Variants in LHFPL4 observed in about 807,000 individuals in gnomAD.
LHFPL4 encodes the protein LHFPL tetraspan subfamily member 4 protein.
In LHFPL4, 6 loss-of-function variants were observed where a neutral mutation model predicts 20.0. The ratio of observed to expected loss-of-function variants is 0.30; its 90% confidence interval spans 0.16 to 0.59. LHFPL4 has a LOEUF of 0.59. Ranked by LOEUF, LHFPL4 falls within the 20% of genes least tolerant of loss-of-function variation. The probability of loss-of-function intolerance (pLI) is 0.88; values close to 1 mark genes in which losing one functional copy is unlikely to be tolerated. For missense variants in LHFPL4, 215 were observed against 331.2 expected, an observed-to-expected ratio of 0.65 and a Z score of 2.72; for synonymous variants, 129 against 143.8, an observed-to-expected ratio of 0.90 and a Z score of 0.74.
At chr3:9,520,336 G>A (rs945716438) in intron 2 of LHFPL4, among the ~76,000 whole-genome samples, 1 of 151,880 alleles carries the variant, frequency 6.6e-6, no homozygotes, top group African/African-American at 2.4e-5. Context: ...TTTATCTTGA[G>A]GTTTTTTGTT....
rs890840109 is a variant in LHFPL4 at position 9,500,755 on chromosome 3, T to C, written c.*1456A>G. 2 of 152,218 alleles carry C rather than the reference T, an allele frequency of 1.3e-5. No individual in the cohort carries two copies. Among genetic ancestry groups the C allele is most frequent in the Admixed American group, 6.5e-5 (1 of 15,292 alleles). 9.4% of individuals were successfully genotyped at this position (152,218 alleles called of 1,614,324 possible). A position where few individuals can be genotyped will look rare whatever the true frequency, so the allele number is the denominator to read the frequency against. On this transcript the variant is annotated 3_prime_UTR_variant, in exon 4 of 4. Coordinates refer to ENST00000287585, the MANE Select transcript of LHFPL4 (RefSeq NM_198560.3). ...GCCGGTCTGCACCAGCAACTAGTGC[T>C]GAGGGAGCTGTCCAGGCCCCAGGGC...
chr3:9,538,544 C>T (rs559720830), intron 2 of LHFPL4, among the ~76,000 whole-genome samples: 44 of 152,224 alleles, frequency 2.9e-4, no homozygotes, highest in African/African-American at 7.5e-4. Flanking sequence ...ATGGTGTGCA[C>T]GCAAATTCAC....
At chr3:9,534,455 T>C (rs2046432990) in intron 2 of LHFPL4, among the ~76,000 whole-genome samples, 1 of 152,200 alleles carries the variant, frequency 6.6e-6, no homozygotes, top group East Asian at 1.9e-4. Flanking sequence ...CTGCACAATG[T>C]TCCCATTGCA....
chr3:9,541,695 C>T (rs2046477429), intron 2 of LHFPL4, among the ~76,000 whole-genome samples: 1 of 151,884 alleles, frequency 6.6e-6, no homozygotes, highest in African/African-American at 2.4e-5. Flanking sequence ...TCACTTGAAC[C>T]TGGAGGGCAG....
At chr3:9,509,023 C>T (rs567310718) in intron 2 of LHFPL4, among the ~76,000 whole-genome samples, 2 of 152,336 alleles carry the variant, frequency 1.3e-5, no homozygotes, top group South Asian at 4.1e-4. Flanking sequence ...AGGAGCATCC[C>T]CGTCTCCGTG....
At chr3:9,544,639 A>G (rs1443698013) in intron 2 of LHFPL4, among the ~76,000 whole-genome samples, 1 of 152,028 alleles carries the variant, frequency 6.6e-6, no homozygotes, top group Non-Finnish European at 1.5e-5. Flanking sequence ...CAAACAAACA[A>G]ACAAACAAAA....
At chr3:9,517,801 G>C (rs7429628) in intron 2 of LHFPL4, among the ~76,000 whole-genome samples, 2 of 75,578 alleles carry the variant, frequency 2.6e-5, no homozygotes, top group African/African-American at 4.0e-5. Flanking sequence ...GGGTTTTTTT[G>C]TTTTTTGTTT....
chr3:9,525,047 T>A (rs1184607871), intron 2 of LHFPL4, among the ~76,000 whole-genome samples: 1 of 152,090 alleles, frequency 6.6e-6, no homozygotes, highest in Non-Finnish European at 1.5e-5. Context: ...GCAGATGGAG[T>A]TTCCTTCCCC....
intron 2 of LHFPL4, among the ~76,000 whole-genome samples, chr3:9,510,760 A>T (rs543939760): frequency 5.3e-5 from 8 of 152,106 alleles, no homozygotes; most frequent in African/African-American, 1.7e-4. Flanking sequence ...CAACATGGTG[A>T]AACCCCATCT....
At chr3:9,533,560 A>G (rs781339457) in intron 2 of LHFPL4, among the ~76,000 whole-genome samples, 11 of 152,336 alleles carry the variant, frequency 7.2e-5, no homozygotes, top group Non-Finnish European at 1.5e-4. Context: ...AGGTGGGCGG[A>G]TCACGAGGTC....
intron 2 of LHFPL4, among the ~76,000 whole-genome samples, chr3:9,514,631 C>A (rs563243811): frequency 8.7e-4 from 132 of 152,292 alleles, no homozygotes; most frequent in African/African-American, 3.1e-3. Flanking sequence ...ATTTTCACTG[C>A]CCTAAAAAAT....
At chr3:9,515,081 A>T (rs2046290031) in intron 2 of LHFPL4, among the ~76,000 whole-genome samples, 1 of 152,224 alleles carries the variant, frequency 6.6e-6, no homozygotes, top group Non-Finnish European at 1.5e-5. Context: ...AACTGCCAAC[A>T]TGCCTTCCAA....
chr3:9,545,568 C>A (rs2046506700), intron 2 of LHFPL4, among the ~76,000 whole-genome samples: 1 of 152,086 alleles, frequency 6.6e-6, no homozygotes, highest in African/African-American at 2.4e-5. Flanking sequence ...GAGTTCAAGA[C>A]CAGCCTGGCC....
chr3:9,498,793 A>C lies in LHFPL4; in HGVS notation c.*3418T>G, dbSNP rs558390340. 1 of 152,490 alleles carries C rather than the reference A, an allele frequency of 6.6e-6. No homozygotes were observed. Among genetic ancestry groups the C allele is most frequent in the South Asian group, 2.1e-4 (1 of 4,810 alleles). The allele number at this position is 152,490 out of a possible 1,614,324, so 9.4% of individuals were successfully genotyped here. A position where few individuals can be genotyped will look rare whatever the true frequency, so the allele number is the denominator to read the frequency against. ...AAGCAGGATGCTCAAAAGGCCAGGG[A>C]CTCTCCCCACAGCCTTATCTAAAAG... On this transcript the variant is annotated 3_prime_UTR_variant, in exon 4 of 4. Coordinates refer to ENST00000287585, the MANE Select transcript of LHFPL4 (RefSeq NM_198560.3).
At chr3:9,503,509 C>T (rs1246884290) in intron 3 of LHFPL4, among the ~76,000 whole-genome samples, 1 of 152,168 alleles carries the variant, frequency 6.6e-6, no homozygotes, top group Non-Finnish European at 1.5e-5. Context: ...CCCAGGAGAG[C>T]TCCCAAAGCC....
intron 2 of LHFPL4, among the ~76,000 whole-genome samples, chr3:9,526,859 C>A (rs1250035958): frequency 6.6e-6 from 1 of 152,116 alleles, no homozygotes; most frequent in African/African-American, 2.4e-5. Context: ...CTCCCAGAGT[C>A]TGCAGGGGGC....
intron 2 of LHFPL4, among the ~76,000 whole-genome samples, chr3:9,540,141 T>C (rs1272031357): frequency 6.6e-6 from 1 of 152,208 alleles, no homozygotes; most frequent in African/African-American, 2.4e-5. Flanking sequence ...TATTTACATA[T>C]AACATTATTA....
chr3:9,530,378 G>A (rs931166195), intron 2 of LHFPL4, among the ~76,000 whole-genome samples: 1 of 152,116 alleles, frequency 6.6e-6, no homozygotes, highest in Admixed American at 6.6e-5. Context: ...TTATGCTATG[G>A]AAATGGCTTA....
At chr3:9,550,212 T>G (rs2125668916) in intron 2 of LHFPL4, among the ~76,000 whole-genome samples, 1 of 152,318 alleles carries the variant, frequency 6.6e-6, no homozygotes, top group East Asian at 1.9e-4. Context: ...CTGGTGTCAC[T>G]TTATTAAGCA....
Sources: gnomAD v4.1 joint callset for allele counts (sites outside exome capture counted in the v4.1 genomes callset) on GRCh38, gnomAD v4.1.1 for gene constraint, MANE v1.5 for transcripts, NCBI Gene and HGNC (gene_info 2026-07-23, HGNC 2026-07-21) for gene names.